The following TP53AIP1 variants were observed in gnomAD, a reference collection of about 807,000 sequenced individuals.
TP53AIP1 encodes the protein tumor protein p53 regulated apoptosis inducing protein 1.
Under a neutral mutation model 9.5 loss-of-function variants are expected in TP53AIP1, and 14 were observed. That is an observed-to-expected ratio of 1.47 (90% CI 0.97 to 2.30). TP53AIP1 has a LOEUF of 2.30. Among genes scored for constraint, TP53AIP1 ranks in the 30% most tolerant of loss-of-function variants. The probability of loss-of-function intolerance (pLI) is 0.00; values close to 1 mark genes in which losing one functional copy is unlikely to be tolerated. For missense variants in TP53AIP1, 153 were observed against 146.7 expected (o/e 1.04, Z -0.22); for synonymous variants, 73 against 61.2 (o/e 1.19, Z -0.90).
At chr11:128,942,515 T>C (rs1424010272) in intron 1 of TP53AIP1, among the ~76,000 whole-genome samples, 3 of 152,130 alleles carry the variant, frequency 2.0e-5, no homozygotes, top group Admixed American at 6.5e-5. Flanking sequence ...AGATACACAT[T>C]TTTGGCCCCA....
At chr11:128,938,875 G>A (rs1166377838) in intron 1 of TP53AIP1, among the ~76,000 whole-genome samples, 3 of 152,128 alleles carry the variant, frequency 2.0e-5, no homozygotes, top group African/African-American at 4.8e-5. Context: ...CAGGGAGTGG[G>A]AGCACTCATC....
intron 1 of TP53AIP1, among the ~76,000 whole-genome samples, 189 bp from the exon 2 acceptor site, chr11:128,938,083 C>T (rs1015495731): frequency 1.3e-5 from 2 of 151,756 alleles, no homozygotes; most frequent in Non-Finnish European, 2.9e-5. Flanking sequence ...CAAACTGAAG[C>T]CATTTGTGCT....
downstream of TP53AIP1, chr11:128,934,954 C>T (rs966457449): frequency 4.4e-5 from 31 of 702,084 alleles, no homozygotes; most frequent in African/African-American, 4.0e-4. Flanking sequence ...ATGCTTTTCC[C>T]CCATTGGTTA....
chr11:128,934,939 C>T (rs1944780293), downstream of TP53AIP1: 4 of 700,702 alleles, frequency 5.7e-6, no homozygotes, highest in Admixed American at 4.0e-5. Flanking sequence ...GGGATTTACA[C>T]ACCAATGCTT....
chr11:128,940,135 G>T (rs1833392876), intron 1 of TP53AIP1, among the ~76,000 whole-genome samples: 1 of 152,168 alleles, frequency 6.6e-6, no homozygotes, highest in Admixed American at 6.5e-5. Flanking sequence ...GCCCTCCCTG[G>T]TCTATTATCA....
In TP53AIP1 at chr11:128,937,162, T is replaced by C; in HGVS notation, c.142-513A>G. 1 of 1,102,426 alleles carries C rather than the reference T, an allele frequency of 9.1e-7. No homozygotes were observed. Among genetic ancestry groups the C allele is most frequent in the Non-Finnish European group, 1.1e-6 (1 of 903,968 alleles). 68.3% of individuals were successfully genotyped at this position (1,102,426 alleles called of 1,614,324 possible). ...TACCCCCTCCTCAGAGCCCACAAGC[T>C]TCCGAGTGCGTCATCTTCATTATTG... On this transcript the variant is annotated intron_variant, in intron 2 of 3. Transcript: ENST00000531399. The surrounding 1 kb of genome is among the most constrained non-coding windows in gnomAD (Gnocchi z 4.8).
intron 3 of TP53AIP1, 88 bp from the exon 4 acceptor site, chr11:128,935,800 AAAC>A (rs1030587008): frequency 1.4e-6 from 2 of 1,387,556 alleles, no homozygotes; most frequent in Middle Eastern, 1.8e-4. Flanking sequence ...CCAGGGATAA[AAAC>A]AACAATAATG....
At chr11:128,938,788 G>A (rs1944886872) in intron 1 of TP53AIP1, among the ~76,000 whole-genome samples, 1 of 152,130 alleles carries the variant, frequency 6.6e-6, no homozygotes. Context: ...CCCACAGAAT[G>A]GAGGGAGACA....
downstream of TP53AIP1, chr11:128,935,193 T>A (rs1944786920): frequency 3.4e-6 from 4 of 1,187,060 alleles, no homozygotes; most frequent in African/African-American, 1.5e-5. Context: ...CTATAGATGA[T>A]CAAACCCGCA....
chr11:128,941,097 G>A (rs533527837), intron 1 of TP53AIP1, among the ~76,000 whole-genome samples: 2 of 152,326 alleles, frequency 1.3e-5, no homozygotes, highest in Admixed American at 1.3e-4. Context: ...ATTAGCAAGA[G>A]CTTCTTCATG....
Position 128,935,710 on chromosome 11 carries a change from G to C in TP53AIP1, c.256C>G (p.Leu86Val). ...SSATVWILTG[L>V]GLGLSRPFLP... ...AAAGGCCTGGAGAGACCTAGACCAAGGCCTCAGTAGGGAGGGAGAGAATTT... is the reference window on the plus strand; with the variant it reads ...AAAGGCCTGGAGAGACCTAGACCAACGCCTCAGTAGGGAGGGAGAGAATTT... Residue 86 changes from leucine (L) to valine (V), a missense_variant and splice_region_variant, in exon 4 of 4, where the codon CTT becomes GTT. Leu to Val is a conservative substitution (Grantham distance 32, BLOSUM62 1). Coordinates refer to ENST00000531399, the MANE Select transcript of TP53AIP1 (RefSeq NM_022112.3). 6.4e-7 allele frequency: 1 copy of C among 1,567,304 alleles called. No homozygotes were observed. The highest frequency in any genetic ancestry group is 8.6e-7 in the Non-Finnish European group (1 of 1,164,778).
chr11:128,936,137 G>A lies in TP53AIP1; in HGVS notation c.253+401C>T, dbSNP rs1009544297. On this transcript the variant is annotated intron_variant, in intron 3 of 3. Coordinates refer to ENST00000531399, the MANE Select transcript of TP53AIP1 (RefSeq NM_022112.3). ...CCCATGTACACACAGCTCCTAAGTG[G>A]TAGAGTCAGGATTTGAACCCAGACC... 24 of 1,011,172 alleles carry A rather than the reference G, an allele frequency of 2.4e-5. No homozygotes were observed. The African/African-American group carries it at 4.1e-4, about 17-fold the overall frequency. 62.6% of individuals were successfully genotyped at this position (1,011,172 alleles called of 1,614,324 possible).
At chr11:128,941,005 T>G in intron 1 of TP53AIP1, among the ~76,000 whole-genome samples, 1 of 141,358 alleles carries the variant, frequency 7.1e-6, no homozygotes, top group Non-Finnish European at 1.6e-5. Flanking sequence ...ACTCCTGAAG[T>G]GAGAGGGGAC....
Position 128,936,661 on chromosome 11 carries a change from T to C in TP53AIP1, c.142-12A>G, listed in dbSNP as rs765651433. The C allele has an allele frequency of 3.2e-6, 5 of 1,571,374 alleles. No homozygotes were observed. In the East Asian group the frequency reaches 1.1e-4, roughly 36 times the overall value. ...AAGGGATCTGAAACCTGAGAGGAAA[T>C]GGAAGCAGACTGTGAGGCCCTGCAG... On this transcript the variant is annotated splice_polypyrimidine_tract_variant and intron_variant, in intron 2 of 3. Coordinates refer to ENST00000531399, the MANE Select transcript of TP53AIP1 (RefSeq NM_022112.3).
intron 1 of TP53AIP1, among the ~76,000 whole-genome samples, chr11:128,938,451 TGCCAGCCGG>T (rs572097387): frequency 3.1e-4 from 47 of 152,162 alleles, no homozygotes; most frequent in Non-Finnish European, 5.3e-4. Context: ...GCTCAGAGGT[TGCCAGCCGG>T]GCCCTGTCTC....
At chr11:128,938,911 A>G (rs1255937393) in intron 1 of TP53AIP1, among the ~76,000 whole-genome samples, 3 of 152,218 alleles carry the variant, frequency 2.0e-5, no homozygotes, top group Middle Eastern at 3.2e-3. Flanking sequence ...AGCAAGTAGC[A>G]TCAGACACCT....
intron 2 of TP53AIP1, chr11:128,936,945 T>A: frequency 8.6e-7 from 1 of 1,168,330 alleles, no homozygotes; most frequent in South Asian, 2.5e-5. Flanking sequence ...AGCTCGGGGC[T>A]TTGTCACCCC....
At position 128,937,766 on chromosome 11, in the gene TP53AIP1, C is replaced by T. The variant is rs1200955307; in HGVS notation, c.53G>A (p.Gly18Glu). The T allele has an allele frequency of 5.6e-6, 9 of 1,613,952 alleles. No individual in the cohort carries two copies. Among genetic ancestry groups the T allele is most frequent in the African/African-American group, 2.7e-5 (2 of 75,006 alleles). ...SFRSAQASCS[G>E]ARRQGLGRGD... ...CCTGCCCAGGCCCTGCCTCCTGGCC[C>T]CACTGCAGGAAGCTTGAGCAGATCT... Residue 18 changes from glycine to glutamate, a missense_variant, in exon 2 of 4, where the codon GGG (glycine) becomes GAG (glutamate). Physicochemically the swap from Gly to Glu is moderately conservative, Grantham distance 98. Transcript: ENST00000531399. The surrounding 1 kb of genome is among the most constrained non-coding windows in gnomAD (Gnocchi z 4.8).
At chr11:128,935,008 G>T (rs1944782199), downstream of TP53AIP1, 1 of 702,888 alleles carries the variant, frequency 1.4e-6, no homozygotes, top group Admixed American at 2.0e-5. Context: ...TCAGGATGAG[G>T]CAGCTCTGCA....
Sources: gnomAD v4.1 joint callset for allele counts (sites outside exome capture counted in the v4.1 genomes callset) on GRCh38, gnomAD v4.1.1 for gene constraint, Gnocchi (gnomAD v3.1) non-coding constraint, MANE v1.5 for transcripts, NCBI Gene and HGNC (gene_info 2026-07-23, HGNC 2026-07-21) for gene names.